The following TNRC6A variants were observed in gnomAD, a reference collection of about 807,000 sequenced individuals.
The protein encoded by TNRC6A is trinucleotide repeat-containing gene 6A protein.
A neutral mutation model predicts 221.2 loss-of-function variants in TNRC6A; 44 were observed. The ratio of observed to expected loss-of-function variants is 0.20; its 90% CI spans 0.16 to 0.26. The LOEUF (loss-of-function observed/expected upper bound fraction) is 0.26. Among genes scored for constraint, TNRC6A ranks in the 10% least tolerant of loss-of-function variants. The probability of loss-of-function intolerance (pLI) is 1.00; values close to 1 mark genes in which losing one functional copy is unlikely to be tolerated. For synonymous variants in TNRC6A, 847 were observed against 838.5 expected (o/e 1.01, Z -0.18); for missense variants, 2,199 against 2,404.4 (o/e 0.91, Z 1.79).
chr16:24,719,132 T>G (rs1447671447), intron 2 of TNRC6A, among the ~76,000 whole-genome samples: 1 of 152,020 alleles, frequency 6.6e-6, no homozygotes, highest in Non-Finnish European at 1.5e-5. Flanking sequence ...GGGCCTAATA[T>G]GTACTAGGCA....
chr16:24,721,361 C>A (rs1011445270), intron 2 of TNRC6A, among the ~76,000 whole-genome samples: 3 of 152,030 alleles, frequency 2.0e-5, no homozygotes, highest in Non-Finnish European at 4.4e-5. Context: ...TGGAAACAAC[C>A]CAAATGTCAA....
chr16:24,729,704 G>C lies in TNRC6A; in HGVS notation c.-138G>C. Reference sequence around the variant, plus strand: ...CGGTGTCGGCGGCGGCGGCGGCGGCGGCGGCGGCGGCGGCAGCGGGTCGGT... The same window carrying C: ...CGGTGTCGGCGGCGGCGGCGGCGGCCGCGGCGGCGGCGGCAGCGGGTCGGT... On this transcript the variant is annotated 5_prime_UTR_variant, in exon 1 of 25. Transcript: ENST00000395799. 9.6e-7 allele frequency: 1 copy of C among 1,038,512 alleles called. No individual in the cohort carries two copies. The highest frequency in any genetic ancestry group is 1.3e-6 in the Non-Finnish European group (1 of 799,260). The allele number at this position is 1,038,512 out of a possible 1,614,324, so 64.3% of individuals were successfully genotyped here. A position where few individuals can be genotyped will look rare whatever the true frequency, so the allele number is the denominator to read the frequency against.
Position 24,761,024 on chromosome 16 carries a change from A to G in TNRC6A, c.163+2664A>G, listed in dbSNP as rs543277555. 1.5e-4 allele frequency among the ~76,000 whole-genome samples: 23 copies of G among 152,354 alleles called. 1 individual carries two copies. The highest frequency in any genetic ancestry group is 6.8e-3 in the Middle Eastern group (2 of 294). On this transcript the variant is annotated intron_variant, in intron 4 of 24. Coordinates refer to ENST00000395799, the MANE Select transcript of TNRC6A (RefSeq NM_014494.4). ...CCTGTACATTTTAAAATGACTGCCA[A>G]CATTTAAAAATCAGAAGAGTCTGCC...
intron 2 of TNRC6A, among the ~76,000 whole-genome samples, chr16:24,698,536 T>C (rs1056334715): frequency 6.6e-6 from 1 of 152,046 alleles, no homozygotes; most frequent in Non-Finnish European, 1.5e-5. Flanking sequence ...GTGCAAATAT[T>C]AGCATGTTTA....
intron 2 of TNRC6A, among the ~76,000 whole-genome samples, chr16:24,703,073 A>G (rs1596518863): frequency 9.7e-6 from 1 of 103,544 alleles, no homozygotes; most frequent in Admixed American, 1.1e-4. Context: ...AATAAAATAA[A>G]ATAAAGCATC....
chr16:24,824,534 T>G lies in TNRC6A; in HGVS notation c.*727T>G. 6.6e-6 allele frequency: 1 copy of G among 152,450 alleles called. No homozygotes were observed. 9.4% of individuals were successfully genotyped at this position (152,450 alleles called of 1,614,324 possible). On this transcript the variant is annotated 3_prime_UTR_variant, in exon 25 of 25. Coordinates refer to ENST00000395799, the MANE Select transcript of TNRC6A (RefSeq NM_014494.4). ...TAGGCTTTCCATTTTGTTTTGGAGG[T>G]TCTCACTTTGAACCTTCTTGTTTAC...
chr16:24,806,890 ATC>A (rs1274089514), intron 17 of TNRC6A, 106 bp downstream of exon 17: 1 of 1,079,714 alleles, frequency 9.3e-7, no homozygotes, highest in Admixed American at 2.0e-5. Context: ...AGCTACATTG[ATC>A]TCTTAGCTGT....
chr16:24,654,462 TGGGAAGCCAA>T (rs1444697306), intron 2 of TNRC6A, among the ~76,000 whole-genome samples: 1 of 152,154 alleles, frequency 6.6e-6, no homozygotes, highest in African/African-American at 2.4e-5. Flanking sequence ...CCCAGCACTT[TGGGAAGCCAA>T]GGCGGGCGGA....
At chr16:24,680,623 G>A (rs777240227) in intron 2 of TNRC6A, among the ~76,000 whole-genome samples, 18 of 151,234 alleles carry the variant, frequency 1.2e-4, no homozygotes, top group East Asian at 3.9e-4. Context: ...AGGCTGAGGC[G>A]GAAGAATCAC....
At chr16:24,775,050 G>T (rs1242425039) in intron 4 of TNRC6A, among the ~76,000 whole-genome samples, 1 of 152,142 alleles carries the variant, frequency 6.6e-6, no homozygotes, top group Non-Finnish European at 1.5e-5. Flanking sequence ...AGGGCTGCCT[G>T]TACTTTATCT....
intron 2 of TNRC6A, among the ~76,000 whole-genome samples, chr16:24,747,185 A>C (rs1470674794): frequency 6.6e-6 from 1 of 152,214 alleles, no homozygotes; most frequent in African/African-American, 2.4e-5. Context: ...TAAAATTCAA[A>C]CATTGAGTGT....
At chr16:24,817,855 G>T (rs1208774491) in intron 20 of TNRC6A, among the ~76,000 whole-genome samples, 1 of 152,180 alleles carries the variant, frequency 6.6e-6, no homozygotes, top group African/African-American at 2.4e-5. Context: ...ACTAAGCCAA[G>T]CATAAATTCT....
chr16:24,676,303 T>G (rs755166845), intron 2 of TNRC6A, among the ~76,000 whole-genome samples: 1 of 152,070 alleles, frequency 6.6e-6, no homozygotes, highest in South Asian at 2.1e-4. Context: ...TTGTATGTAT[T>G]TATTTATTTA....
intron 2 of TNRC6A, among the ~76,000 whole-genome samples, chr16:24,693,778 TAGTC>T (rs2055802618): frequency 6.6e-6 from 1 of 151,516 alleles, no homozygotes; most frequent in East Asian, 1.9e-4. Flanking sequence ...CATGTGCCTA[TAGTC>T]CTAGCTACTC....
intron 19 of TNRC6A, 191 bp downstream of exon 19, chr16:24,815,496 C>T: frequency 1.6e-6 from 1 of 639,394 alleles, no homozygotes; most frequent in Non-Finnish European, 2.8e-6. Flanking sequence ...CAGCCTGTTA[C>T]CTATGCCTTT....
chr16:24,815,549 A>G (rs775469417), intron 19 of TNRC6A: 9 of 495,060 alleles, frequency 1.8e-5, no homozygotes, highest in Non-Finnish European at 3.3e-5. Context: ...ATTGACCAGC[A>G]TGAAGAATTA....
intron 4 of TNRC6A, among the ~76,000 whole-genome samples, chr16:24,775,393 G>GA (rs951263993): frequency 2.8e-4 from 42 of 148,274 alleles, no homozygotes; most frequent in African/African-American, 6.8e-4. Flanking sequence ...AAGTCACATG[G>GA]AAAAAAAAAA....
In TNRC6A at chr16:24,777,114, G is replaced by T. The variant is rs768145846; in HGVS notation, c.345G>T (p.Pro115=). ...AGCAGCCACAGCAGCAGCCACAGCCGCAGCCGCAGCAGCAGCAGCCACAGC... is the reference window on the plus strand; with the variant it reads ...AGCAGCCACAGCAGCAGCCACAGCCTCAGCCGCAGCAGCAGCAGCCACAGC... ...QQQQPQQQPQ[P]QPQQQQPQQQ... Residue 115 remains proline (P), a synonymous_variant, in exon 5 of 25, where the codon CCG becomes CCT. Coordinates refer to ENST00000395799, the MANE Select transcript of TNRC6A (RefSeq NM_014494.4). 1.3e-6 allele frequency: 2 copies of T among 1,554,324 alleles called. No individual in the cohort carries two copies. The highest frequency in any genetic ancestry group is 3.0e-5 in the African/African-American group (2 of 66,576).
At chr16:24,748,393 G>A (rs2057060030) in intron 2 of TNRC6A, among the ~76,000 whole-genome samples, 1 of 152,100 alleles carries the variant, frequency 6.6e-6, no homozygotes, top group South Asian at 2.1e-4. Flanking sequence ...TGGGATTGTA[G>A]TGTGAGTGAG....
Sources: gnomAD v4.1 joint callset for allele counts (sites outside exome capture counted in the v4.1 genomes callset) on GRCh38, gnomAD v4.1.1 for gene constraint, MANE v1.5 for transcripts, NCBI Gene and HGNC (gene_info 2026-07-23, HGNC 2026-07-21) for gene names.